SEMA3A: variants seen among roughly 807,000 people sequenced by gnomAD.
SEMA3A encodes semaphorin-3A.
In SEMA3A, 29 loss-of-function variants were observed where a neutral mutation model predicts 97.9. The ratio of observed to expected loss-of-function variants is 0.30; its 90% CI spans 0.22 to 0.40. The LOEUF is 0.40. Among genes scored for constraint, SEMA3A ranks in the 10% least tolerant of loss-of-function variants. The pLI, the probability that SEMA3A is intolerant of heterozygous loss-of-function variation, is 1.00. For missense variants in SEMA3A, 763 were observed against 951.3 expected (o/e 0.80, Z 2.60); for synonymous variants, 321 against 323.7 (o/e 0.99, Z 0.09).
At chr7:84,436,306 C>G (rs898061776) in intron 1 of SEMA3A, among the ~76,000 whole-genome samples, 1 of 152,032 alleles carries the variant, frequency 6.6e-6, no homozygotes, top group African/African-American at 2.4e-5. Context: ...AAAAGTAATT[C>G]TAACCAAAAC....
At chr7:84,022,502 A>T (rs1791365349) in intron 6 of SEMA3A, among the ~76,000 whole-genome samples, 1 of 152,240 alleles carries the variant, frequency 6.6e-6, no homozygotes, top group African/African-American at 2.4e-5. Context: ...ACAAATACAG[A>T]TCTTTAATAA....
Position 84,277,752 on chromosome 7 carries a change from C to G in SEMA3A, c.-83+29455G>C, listed in dbSNP as rs77523530. 6.2e-3 allele frequency among the ~76,000 whole-genome samples: 936 copies of G among 152,188 alleles called. 44 individuals carry two copies. In the East Asian group the frequency reaches 0.12, roughly 19 times the overall value. On this transcript the variant is annotated intron_variant, in intron 3 of 3. Coordinates refer to the SEMA3A transcript ENST00000424555. ...TAAGCAGGGCAATCGGGTCCTAGGC[C>G]TGGCTCACAAAAGCATTCTTTCCTT... is the stretch of plus-strand genomic sequence containing the variant.
intron 3 of SEMA3A, among the ~76,000 whole-genome samples, chr7:84,113,218 A>G (rs1420254994): frequency 6.6e-6 from 1 of 152,220 alleles, no homozygotes; most frequent in African/African-American, 2.4e-5. Flanking sequence ...TGGAGGAGGA[A>G]AGTGCATTAA....
chr7:84,089,529 C>G (rs1483636841), intron 4 of SEMA3A, among the ~76,000 whole-genome samples: 2 of 151,922 alleles, frequency 1.3e-5, no homozygotes, highest in Non-Finnish European at 2.9e-5. Context: ...AAGTCTGTAG[C>G]CTTCAGTCAT....
chr7:84,405,278 A>T (rs1296465806), intron 1 of SEMA3A, among the ~76,000 whole-genome samples: 1 of 152,216 alleles, frequency 6.6e-6, no homozygotes, highest in Admixed American at 6.5e-5. Context: ...TAAACCAACA[A>T]AGATCAAAAG....
chr7:84,468,381 T>C (rs1806060214), intron 1 of SEMA3A, among the ~76,000 whole-genome samples: 1 of 152,190 alleles, frequency 6.6e-6, no homozygotes, highest in Admixed American at 6.5e-5. Flanking sequence ...CTTATTTATG[T>C]AATGGTTATA....
intron 12 of SEMA3A, among the ~76,000 whole-genome samples, chr7:83,989,880 G>A (rs993383571): frequency 4.2e-4 from 63 of 151,210 alleles, no homozygotes; most frequent in African/African-American, 1.5e-3. Context: ...CTAGATCCCT[G>A]AGGAATTACC....
Position 84,467,962 on chromosome 7 carries a change from G to T in SEMA3A, c.-246+24498C>A, listed in dbSNP as rs17159061. Reference sequence around the variant, plus strand: ...TAACTCTGGGCCCAAGGCAGAGACTGTTTTTATTTATCAAGCCCTACCAAG... The same window carrying T: ...TAACTCTGGGCCCAAGGCAGAGACTTTTTTTATTTATCAAGCCCTACCAAG... On this transcript the variant is annotated intron_variant, in intron 1 of 3. Coordinates refer to the SEMA3A transcript ENST00000424555. Among the ~76,000 whole-genome samples, 2,052 of 152,214 alleles carry T rather than the reference G, an allele frequency of 0.013. 94 individuals are homozygous for T. The East Asian group carries it at 0.16, about 12-fold the overall frequency.
intron 2 of SEMA3A, among the ~76,000 whole-genome samples, chr7:84,312,049 G>A (rs999477882): frequency 9.9e-5 from 15 of 151,768 alleles, no homozygotes; most frequent in Non-Finnish European, 3.0e-5. Context: ...GTATCATCTC[G>A]TCTTATACTG....
intron 1 of SEMA3A, among the ~76,000 whole-genome samples, chr7:84,421,456 G>T (rs765007060): frequency 3.4e-4 from 51 of 151,958 alleles, no homozygotes; most frequent in Middle Eastern, 6.8e-3. Flanking sequence ...AACGGTAACT[G>T]TAGAAGTAAA....
intron 2 of SEMA3A, among the ~76,000 whole-genome samples, chr7:84,348,869 A>C (rs1272150666): frequency 6.6e-6 from 1 of 151,994 alleles, no homozygotes; most frequent in Admixed American, 6.6e-5. Flanking sequence ...CTGTGATCCC[A>C]GCTACTCAGG....
intron 1 of SEMA3A, among the ~76,000 whole-genome samples, chr7:84,463,317 C>T (rs1339543803): frequency 1.4e-5 from 2 of 138,044 alleles, no homozygotes; most frequent in Admixed American, 1.6e-4. Context: ...GGCGCAATCT[C>T]GGCTCACTGC....
chr7:84,379,880 A>T (rs567973534), intron 1 of SEMA3A, among the ~76,000 whole-genome samples: 1 of 152,326 alleles, frequency 6.6e-6, no homozygotes, highest in Non-Finnish European at 1.5e-5. Flanking sequence ...CACTGGCAGT[A>T]TGACTCACAT....
At position 84,044,741 on chromosome 7, in the gene SEMA3A, T is replaced by C. The variant is rs536636759; in HGVS notation, c.667+1583A>G. Among the ~76,000 whole-genome samples the C allele has an allele frequency of 2.0e-5, 3 of 152,072 alleles. No individual in the cohort carries two copies. In the East Asian group the frequency reaches 5.8e-4, roughly 29 times the overall value. ...GTCCTAACCAGGCTATGAACTTAGATATATTGGGACTTTGTGGCATACCAT... is the reference window on the plus strand; with the variant it reads ...GTCCTAACCAGGCTATGAACTTAGACATATTGGGACTTTGTGGCATACCAT... On this transcript the variant is annotated intron_variant, in intron 6 of 16. Coordinates refer to ENST00000265362, the MANE Select transcript of SEMA3A (RefSeq NM_006080.3).
At chr7:84,279,417 T>G (rs1800383237) in intron 3 of SEMA3A, among the ~76,000 whole-genome samples, 2 of 151,130 alleles carry the variant, frequency 1.3e-5, no homozygotes, top group Admixed American at 1.3e-4. Context: ...AATTCCACAT[T>G]GAGGAACATT....
chr7:84,367,118 A>G (rs1802866558), intron 2 of SEMA3A, among the ~76,000 whole-genome samples: 2 of 151,390 alleles, frequency 1.3e-5, no homozygotes, highest in South Asian at 4.1e-4. Context: ...AATGTCCTCA[A>G]GTAAGGGTCA....
At chr7:84,139,046 G>A (rs1161806347) in intron 1 of SEMA3A, among the ~76,000 whole-genome samples, 1 of 151,944 alleles carries the variant, frequency 6.6e-6, no homozygotes, top group East Asian at 1.9e-4. Context: ...AACTTTGAAT[G>A]TACTCCTTCA....
At chr7:84,318,349 G>T (rs600642) in intron 2 of SEMA3A, among the ~76,000 whole-genome samples, 84,692 of 129,652 alleles carry the variant, frequency 0.65, 27,756 homozygotes, top group Non-Finnish European at 0.7. Flanking sequence ...TTGAGACGGA[G>T]TCTCGCTCTG....
intron 1 of SEMA3A, among the ~76,000 whole-genome samples, chr7:84,445,068 A>C (rs1300870815): frequency 6.6e-6 from 1 of 152,128 alleles, no homozygotes; most frequent in East Asian, 1.9e-4. Context: ...TTGACATAAC[A>C]AATTAATATA....
Sources: gnomAD v4.1 joint callset for allele counts (sites outside exome capture counted in the v4.1 genomes callset) on GRCh38, gnomAD v4.1.1 for gene constraint, MANE v1.5 for transcripts, NCBI Gene and HGNC (gene_info 2026-07-23, HGNC 2026-07-21) for gene names.